LAMA3: variants seen among roughly 807,000 people sequenced by gnomAD.
LAMA3 encodes the protein laminin subunit alpha 3, also known as laminin subunit alpha-3.
A neutral mutation model predicts 402.0 loss-of-function variants in LAMA3; 281 were observed. The ratio of observed to expected loss-of-function variants is 0.70; its 90% confidence interval spans 0.63 to 0.77. LAMA3 has a LOEUF of 0.77. Among genes scored for constraint, LAMA3 ranks in the 30% least tolerant of loss-of-function variants. The pLI, the probability that LAMA3 is intolerant of heterozygous loss-of-function variation, is 0.00. For synonymous variants in LAMA3, 1,431 were observed against 1,558.4 expected (o/e 0.92, Z 1.93); for missense variants, 3,840 against 4,215.5 (o/e 0.91, Z 2.47).
intron 25 of LAMA3, among the ~76,000 whole-genome samples, chr18:23,837,487 T>C (rs1266274476): frequency 6.7e-6 from 1 of 148,810 alleles, no homozygotes; most frequent in Non-Finnish European, 1.5e-5. Flanking sequence ...TTGGTAAATT[T>C]TATCAAAATT....
At chr18:23,827,838 C>T (rs1052289495) in intron 23 of LAMA3, among the ~76,000 whole-genome samples, 1 of 152,104 alleles carries the variant, frequency 6.6e-6, no homozygotes, top group African/African-American at 2.4e-5. Flanking sequence ...ACAGCTTACC[C>T]TAAAAGGATA....
chr18:23,898,363 A>G (rs917189345), intron 44 of LAMA3: 14 of 197,696 alleles, frequency 7.1e-5, no homozygotes, highest in Non-Finnish European at 1.1e-4. Context: ...CCTTCATTCA[A>G]GTAGCCATAT....
chr18:23,858,078 T>A (rs2064127754), intron 33 of LAMA3, 90 bp downstream of exon 33: 7 of 1,456,080 alleles, frequency 4.8e-6, no homozygotes, highest in Non-Finnish European at 6.7e-6. Flanking sequence ...ATGTGGGAAA[T>A]GGGACTGACC....
At chr18:23,900,906 A>T (rs757321376) in intron 47 of LAMA3, among the ~76,000 whole-genome samples, 24 of 152,200 alleles carry the variant, frequency 1.6e-4, no homozygotes, top group Non-Finnish European at 2.9e-4. Context: ...TATCTAAAAC[A>T]TGAGAATGAT....
intron 59 of LAMA3, among the ~76,000 whole-genome samples, chr18:23,916,328 G>A (rs2081619609): frequency 6.6e-6 from 1 of 152,136 alleles, no homozygotes; most frequent in Non-Finnish European, 1.5e-5. Context: ...ACTCATCTTT[G>A]TCGAGCTAGG....
intron 70 of LAMA3, among the ~76,000 whole-genome samples, chr18:23,948,025 A>T (rs946409179): frequency 7.9e-5 from 12 of 152,012 alleles, no homozygotes; most frequent in Non-Finnish European, 1.3e-4. Flanking sequence ...TGTTAGCCAG[A>T]ATGGTCTCGA....
At position 23,871,659 on chromosome 18, in the gene LAMA3, C is replaced by T. The variant is rs1317347725; in HGVS notation, c.4996C>T (p.Gln1666Ter). 2.5e-6 allele frequency: 4 copies of T among 1,598,560 alleles called. No individual in the cohort carries two copies. Among genetic ancestry groups the T allele is most frequent in the Non-Finnish European group, 3.4e-6 (4 of 1,171,928 alleles). The stretch of plus-strand genomic sequence containing the variant: ...CCCTGCCTACGCTGGTGACTCTTGT[C>T]AGGTAGGAAGTTTTCCCATCCGCAA... ...CPPAYAGDSCQGCSPGYYRDH... is the reference protein window; with the variant it reads ...CPPAYAGDSC Residue 1666 changes from glutamine to a stop codon, truncating the protein, a stop_gained and splice_region_variant, in exon 38 of 75, where the codon CAG (glutamine) becomes TAG (stop). Transcript: ENST00000313654. LOFTEE classifies it high-confidence loss of function.
At chr18:23,783,654 C>T (rs1209292715) in intron 11 of LAMA3, among the ~76,000 whole-genome samples, 1 of 152,138 alleles carries the variant, frequency 6.6e-6, no homozygotes, top group Non-Finnish European at 1.5e-5. Flanking sequence ...TTCTTTCCTT[C>T]TAAAAACTGG....
intron 44 of LAMA3, among the ~76,000 whole-genome samples, chr18:23,896,388 A>C (rs1021118486): frequency 6.6e-6 from 1 of 152,230 alleles, no homozygotes; most frequent in Non-Finnish European, 1.5e-5. Flanking sequence ...TGTGTTGTTT[A>C]ATATCCAAAT....
chr18:23,835,684 G>GT (rs1407679801), intron 24 of LAMA3, among the ~76,000 whole-genome samples: 1 of 152,122 alleles, frequency 6.6e-6, no homozygotes, highest in Non-Finnish European at 1.5e-5. Flanking sequence ...TGCCTGTCAT[G>GT]TGGATGAGTG....
intron 12 of LAMA3, among the ~76,000 whole-genome samples, chr18:23,800,383 A>G (rs988255784): frequency 4.6e-5 from 7 of 152,226 alleles, no homozygotes; most frequent in Non-Finnish European, 7.3e-5. Flanking sequence ...GAGGGAAGAA[A>G]ACAAAAGATG....
intron 67 of LAMA3, among the ~76,000 whole-genome samples, chr18:23,937,816 G>A (rs1408012386): frequency 6.6e-6 from 1 of 152,126 alleles, no homozygotes; most frequent in African/African-American, 2.4e-5. Context: ...ATTCAGCAAC[G>A]TGCAAGCATC....
chr18:23,821,866 C>G (rs945269844), intron 19 of LAMA3, among the ~76,000 whole-genome samples: 10 of 152,272 alleles, frequency 6.6e-5, no homozygotes, highest in Non-Finnish European at 1.2e-4. Flanking sequence ...TGAAATAATA[C>G]CCTCTCCTTT....
rs10502440 is a variant in LAMA3 at position 23,749,613 on chromosome 18, A to G, written c.684+67A>G. 67,598 of 981,762 alleles carry G rather than the reference A, an allele frequency of 0.069. 2,998 individuals are homozygous for G. Among genetic ancestry groups the G allele is most frequent in the East Asian group, 0.18 (7,478 of 41,988 alleles). The allele number at this position is 981,762 out of a possible 1,614,324, so 60.8% of individuals were successfully genotyped here. On this transcript the variant is annotated intron_variant, in intron 4 of 74. Transcript: ENST00000313654. ...TGACCATGAGGATATCCAATTTTTC[A>G]TAATTGCGAAACTTGCACTTTCAAG...
intron 41 of LAMA3, among the ~76,000 whole-genome samples, chr18:23,886,958 C>T (rs1053494433): frequency 6.6e-6 from 1 of 152,168 alleles, no homozygotes; most frequent in African/African-American, 2.4e-5. Context: ...AGACTGGGGA[C>T]ACTGAGCAGC....
chr18:23,710,173 C>CTTCT (rs140222455), intron 1 of LAMA3: 59 of 687,764 alleles, frequency 8.6e-5, no homozygotes, highest in Non-Finnish European at 1.2e-4. Flanking sequence ...ACGTGCAGAT[C>CTTCT]TTTTTTTGTG....
At chr18:23,899,208 A>G in intron 46 of LAMA3, 80 bp from the exon 47 acceptor site, 1 of 1,346,636 alleles carries the variant, frequency 7.4e-7, no homozygotes, top group Non-Finnish European at 1.0e-6. Context: ...TCTCCATAGA[A>G]GTTTCTACCT....
At chr18:23,710,172 T>C (rs2060964485) in intron 1 of LAMA3, 1 of 579,618 alleles carries the variant, frequency 1.7e-6, no homozygotes, top group Non-Finnish European at 3.2e-6. Flanking sequence ...GACGTGCAGA[T>C]CTTTTTTTGT....
At chr18:23,874,658 G>A (rs1392492473) in intron 38 of LAMA3, among the ~76,000 whole-genome samples, 2 of 152,226 alleles carry the variant, frequency 1.3e-5, no homozygotes, top group Admixed American at 6.5e-5. Context: ...ACTGGACCAG[G>A]TAGAGACCTT....
Sources: allele counts gnomAD v4.1 joint callset (sites outside exome capture counted in the v4.1 genomes callset), GRCh38; gene constraint gnomAD v4.1.1; transcripts MANE v1.5; gene names NCBI Gene and HGNC (gene_info 2026-07-23, HGNC 2026-07-21).